ADAMTS8: variants seen among roughly 807,000 people sequenced by gnomAD.
ADAMTS8 encodes the protein A disintegrin and metalloproteinase with thrombospondin motifs 8.
A neutral mutation model predicts 64.4 loss-of-function variants in ADAMTS8; 50 were observed. The observed-to-expected ratio is 0.78, with a 90% CI of 0.62 to 0.98. The LOEUF (loss-of-function observed/expected upper bound fraction) is 0.98. ADAMTS8 is among the 50% of genes least tolerant of loss of function. ADAMTS8 has a pLI of 0.00. For synonymous variants in ADAMTS8, 556 were observed against 533.6 expected (o/e 1.04, Z -0.58); for missense variants, 1,192 against 1,208.2 (o/e 0.99, Z 0.20).
chr11:130,427,505 G>T, intron 1 of ADAMTS8, 62 bp downstream of exon 1: 56 of 991,482 alleles, frequency 5.6e-5, no homozygotes, highest in Non-Finnish European at 7.3e-5. Flanking sequence ...AGATTTTAGA[G>T]ACGCTGGGAG....
At chr11:130,414,507 C>G in intron 5 of ADAMTS8, 24 bp downstream of exon 5, 1 of 1,558,206 alleles carries the variant, frequency 6.4e-7, no homozygotes, top group Non-Finnish European at 8.7e-7. Context: ...CCCCTCCCCG[C>G]TATCCTCAGG....
At chr11:130,413,274 TGGTG>T in intron 5 of ADAMTS8, among the ~76,000 whole-genome samples, 1 of 152,212 alleles carries the variant, frequency 6.6e-6, no homozygotes. Context: ...GCTCTGGGAT[TGGTG>T]GCAGATCCCT....
rs1862217072 is a variant in ADAMTS8, at chr11:130,428,552, C to CT, written c.-267dup. ...GCCCGCGTGCGCCCGTCCTCCGCCCCTGCCCGCGCCAGCCCCGCGCAGCCG... is the reference window on the plus strand; with the variant it reads ...GCCCGCGTGCGCCCGTCCTCCGCCCCTTGCCCGCGCCAGCCCCGCGCAGCCG... On this transcript the variant is annotated 5_prime_UTR_variant, in exon 1 of 9. Transcript: ENST00000257359. The CT allele has an allele frequency of 1.5e-6, 1 of 655,864 alleles. No homozygotes were observed. The allele number at this position is 655,864 out of a possible 1,614,324, so 40.6% of individuals were successfully genotyped here.
Position 130,428,003 on chromosome 11 carries a change from C to T in ADAMTS8, c.284G>A (p.Arg95Gln). Residue 95 changes from arginine (R) to glutamine (Q), a missense_variant, in exon 1 of 9, where the codon CGG (arginine) becomes CAG (glutamine). Physicochemically the swap from Arg to Gln is conservative, Grantham distance 43. Transcript: ENST00000257359. The part of the protein sequence containing the change: ...GGSGRATGGE[R>Q]GLRGCFFSGT... ...GGAGAAGAAGCAGCCGCGCAGCCCC[C>T]GCTCGCCCCCGGTCGCCCGGCCGGA... The T allele has an allele frequency of 6.6e-7, 1 of 1,526,558 alleles. No homozygotes were observed. Among genetic ancestry groups the T allele is most frequent in the Non-Finnish European group, 8.7e-7 (1 of 1,143,322 alleles). The allele number at this position is 1,526,558 out of a possible 1,614,324, so 94.6% of individuals were successfully genotyped here.
chr11:130,416,230 C>A lies in ADAMTS8; in HGVS notation c.1197G>T (p.Leu399=). 6.3e-7 allele frequency: 1 copy of A among 1,593,976 alleles called. No homozygotes were observed. Among genetic ancestry groups the A allele is most frequent in the Non-Finnish European group, 8.5e-7 (1 of 1,170,954 alleles). ...HHVMAPLFVH[L]NQTLPWSPCS... ...AGGGGGACCAGGGCAGCGTCTGGTT[C>A]AGGTGGACGAACAGCGGTGCCATCA... Residue 399 remains leucine, a synonymous_variant, in exon 4 of 9, where the codon CTG becomes CTT. Coordinates refer to ENST00000257359, the MANE Select transcript of ADAMTS8 (RefSeq NM_007037.6). The surrounding 1 kb of genome is among the most constrained non-coding windows in gnomAD (Gnocchi z 4.8).
At position 130,427,861 on chromosome 11, in the gene ADAMTS8, GC is replaced by G; in HGVS notation, c.425del (p.Gly142AlafsTer103). On this transcript the variant is annotated frameshift_variant, in exon 1 of 9. Transcript: ENST00000257359. LOFTEE classifies it high-confidence loss of function. ...GCAGGCGGTGCGGCTGAGCCAGGGA[GC>G]CCCCCGCGCCCTGCGGCTGGATGGT... is the stretch of plus-strand genomic sequence containing the variant. ...EFTIQPQGAG[G>X]SLAQPHRLQR... The G allele has an allele frequency of 3.9e-6, 6 of 1,535,914 alleles. No individual in the cohort carries two copies. Among genetic ancestry groups the G allele is most frequent in the South Asian group, 1.2e-5 (1 of 83,900 alleles).
At chr11:130,417,699 A>G (rs1862045768) in intron 2 of ADAMTS8, among the ~76,000 whole-genome samples, 1 of 150,606 alleles carries the variant, frequency 6.6e-6, no homozygotes, top group Non-Finnish European at 1.5e-5. Context: ...AGTAGCTGGG[A>G]CTACAGCCGC....
intron 8 of ADAMTS8, among the ~76,000 whole-genome samples, chr11:130,407,365 C>CA (rs1565372959): frequency 1.3e-5 from 2 of 151,950 alleles, no homozygotes; most frequent in Admixed American, 6.6e-5. Context: ...GACTCTGTCT[C>CA]AAAATAATAA....
intron 5 of ADAMTS8, among the ~76,000 whole-genome samples, chr11:130,412,550 G>C (rs990667552): frequency 2.0e-5 from 3 of 152,078 alleles, no homozygotes; most frequent in Admixed American, 6.5e-5. Flanking sequence ...TGAGAACAAA[G>C]CTTTGCCCTT....
intron 8 of ADAMTS8, 51 bp from the exon 9 acceptor site, chr11:130,406,179 G>C: frequency 6.4e-7 from 1 of 1,559,592 alleles, no homozygotes; most frequent in South Asian, 1.2e-5. Context: ...CCCAGCCCAG[G>C]TCACGATGAT....
rs752933755 is a variant in ADAMTS8 at position 130,411,510 on chromosome 11, A to C, written c.1657T>G (p.Cys553Gly). 2.5e-6 allele frequency: 4 copies of C among 1,613,832 alleles called. No individual in the cohort carries two copies. In the African/African-American group the frequency reaches 4.0e-5, roughly 16 times the overall value. The change falls in exon 6 of 9, where the codon TGC becomes GGC. Residue 553 changes from cysteine to glycine, a missense_variant. Around this residue, in one of 5 missense-constraint regions of ADAMTS8, gnomAD observed 290 missense variants for 297.8 expected, o/e 0.97. Coordinates refer to ENST00000257359, the MANE Select transcript of ADAMTS8 (RefSeq NM_007037.6). This position sits in a 1 kb window ranked among gnomAD's most constrained non-coding sequence, Gnocchi z 4.2. ...CCATTCTGAGGCTCGGGGTCCTTGC[A>C]CTCACGGTGTGAAAACTGTACTCCT... Reference protein sequence around the residue: ...GGGVQFSHRECKDPEPQNGGR... With the variant: ...GGGVQFSHREGKDPEPQNGGR...
At position 130,428,283 on chromosome 11, in the gene ADAMTS8, G is replaced by C; in HGVS notation, c.4C>G (p.Leu2Val). The change falls in exon 1 of 9, where the codon CTC (leucine) becomes GTC (valine). Residue 2 changes from leucine (L) to valine (V), a missense_variant. Leu to Val is a conservative substitution (Grantham distance 32). This residue lies in a region of ADAMTS8 where 741 missense variants were observed against 710.6 expected (regional missense o/e 1.04). Transcript: ENST00000257359. Reference sequence around the variant, plus strand: ...CACCGGGGGGCGGCGGGGGCGGGGAGCATGGGGGCTGCGGCGGTGGCTGCG... The same window carrying C: ...CACCGGGGGGCGGCGGGGGCGGGGACCATGGGGGCTGCGGCGGTGGCTGCG... MLPAPAAPRWPP... is the reference protein window; with the variant it reads MVPAPAAPRWPP... The C allele has an allele frequency of 8.2e-7, 1 of 1,226,328 alleles. No homozygotes were observed. Among genetic ancestry groups the C allele is most frequent in the Non-Finnish European group, 1.0e-6 (1 of 984,446 alleles). The allele number at this position is 1,226,328 out of a possible 1,614,324, so 76.0% of individuals were successfully genotyped here. A position where few individuals can be genotyped will look rare whatever the true frequency, so the allele number is the denominator to read the frequency against.
At position 130,416,069 on chromosome 11, in the gene ADAMTS8, C is replaced by A; in HGVS notation, c.1264+94G>T. The A allele has an allele frequency of 5.0e-6, 7 of 1,403,344 alleles. No homozygotes were observed. The highest frequency in any genetic ancestry group is 5.7e-6 in the Non-Finnish European group (6 of 1,057,718). The allele number at this position is 1,403,344 out of a possible 1,614,324, so 86.9% of individuals were successfully genotyped here. A position where few individuals can be genotyped will look rare whatever the true frequency, so the allele number is the denominator to read the frequency against. ...CTGGCCGGGGACTCAGCTCTAAGGG[C>A]CCTGTGAGGAGGCACAGCTGGAGGG... On this transcript the variant is annotated intron_variant, in intron 4 of 8. Coordinates refer to ENST00000257359, the MANE Select transcript of ADAMTS8 (RefSeq NM_007037.6). This position sits in a 1 kb window ranked among gnomAD's most constrained non-coding sequence, Gnocchi z 4.8.
At chr11:130,410,955 G>T (rs2134676196) in intron 6 of ADAMTS8, among the ~76,000 whole-genome samples, 1 of 152,238 alleles carries the variant, frequency 6.6e-6, no homozygotes, top group Non-Finnish European at 1.5e-5. Context: ...CTGAATTTTG[G>T]CTAGAAAGAC....
chr11:130,426,476 T>C (rs146276088), intron 1 of ADAMTS8, among the ~76,000 whole-genome samples: 3 of 152,310 alleles, frequency 2.0e-5, no homozygotes, highest in Non-Finnish European at 2.9e-5. Context: ...AGGATCCCTG[T>C]TTCAGGGAAC....
Position 130,419,225 on chromosome 11 carries a change from A to T in ADAMTS8, c.788T>A (p.Ile263Asn). 4.3e-6 allele frequency: 7 copies of T among 1,614,072 alleles called. No homozygotes were observed. Among genetic ancestry groups the T allele is most frequent in the Non-Finnish European group, 5.9e-6 (7 of 1,180,032 alleles). Residue 263 changes from isoleucine to asparagine, a missense_variant, in exon 2 of 9, where the codon ATC (isoleucine) becomes AAC (asparagine). Ile to Asn is a moderately radical substitution (Grantham distance 149). Around this residue, in one of 5 missense-constraint regions of ADAMTS8, gnomAD observed 741 missense variants for 710.6 expected, o/e 1.04. Coordinates refer to ENST00000257359, the MANE Select transcript of ADAMTS8 (RefSeq NM_007037.6). ...CAGCACTTTTACCACCATCAGGTTG[A>T]TGGAATTCTTGATGCTGGGGTGCTT... ...IYKHPSIKNS[I>N]NLMVVKVLIV...
chr11:130,408,726 T>C (rs929580999), intron 7 of ADAMTS8, 42 bp downstream of exon 7: 5 of 1,612,764 alleles, frequency 3.1e-6, no homozygotes, highest in Middle Eastern at 1.6e-4. Context: ...ACAGGCGACC[T>C]TCCTCCCCAT....
chr11:130,413,737 A>G (rs1861982182), intron 5 of ADAMTS8, among the ~76,000 whole-genome samples: 2 of 152,172 alleles, frequency 1.3e-5, no homozygotes, highest in Non-Finnish European at 2.9e-5. Context: ...TGAATACGGA[A>G]TTCCCACAAC....
intron 5 of ADAMTS8, among the ~76,000 whole-genome samples, chr11:130,413,358 T>G (rs141529769): frequency 6.6e-6 from 1 of 152,162 alleles, no homozygotes; most frequent in Non-Finnish European, 1.5e-5. Flanking sequence ...GATCAGTCCA[T>G]GAATCCTGCA....
Sources: allele counts gnomAD v4.1 joint callset (sites outside exome capture counted in the v4.1 genomes callset), GRCh38; gene constraint gnomAD v4.1.1; regional missense constraint gnomAD v4.1.1; non-coding constraint Gnocchi (gnomAD v3.1); transcripts MANE v1.5; gene names NCBI Gene and HGNC (gene_info 2026-07-23, HGNC 2026-07-21).